ANKS1B: variants seen among roughly 807,000 people sequenced by gnomAD.
The protein encoded by ANKS1B is ankyrin repeat and sterile alpha motif domain-containing protein 1B.
Under a neutral mutation model 148.3 loss-of-function variants are expected in ANKS1B, and 36 were observed. The ratio of observed to expected loss-of-function variants is 0.24; its 90% CI spans 0.19 to 0.32. The LOEUF (loss-of-function observed/expected upper bound fraction) is 0.32. Ranked by LOEUF, ANKS1B falls within the 10% of genes least tolerant of loss-of-function variation. The probability of loss-of-function intolerance (pLI) is 1.00; values close to 1 mark genes in which losing one functional copy is unlikely to be tolerated. For synonymous variants in ANKS1B, 542 were observed against 560.8 expected (o/e 0.97, Z 0.47); for missense variants, 1,157 against 1,542.6 (o/e 0.75, Z 4.19).
chr12:99,455,789 A>C (rs1046830232), intron 10 of ANKS1B, among the ~76,000 whole-genome samples: 2 of 152,064 alleles, frequency 1.3e-5, no homozygotes, highest in African/African-American at 4.8e-5. Flanking sequence ...GTCTGAGCTC[A>C]GACACACCTA....
intron 17 of ANKS1B, among the ~76,000 whole-genome samples, chr12:98,965,962 C>A (rs2099877489): frequency 6.6e-6 from 1 of 152,156 alleles, no homozygotes; most frequent in African/African-American, 2.4e-5. Flanking sequence ...AAAACCTAGG[C>A]AATACTATTC....
intron 15 of ANKS1B, among the ~76,000 whole-genome samples, chr12:99,152,064 G>A (rs912543045): frequency 1.3e-5 from 2 of 152,088 alleles, no homozygotes; most frequent in Non-Finnish European, 2.9e-5. Context: ...CCACATTAAA[G>A]AAATATGTTT....
At chr12:99,745,474 T>C (rs2060509366) in intron 8 of ANKS1B, among the ~76,000 whole-genome samples, 1 of 152,186 alleles carries the variant, frequency 6.6e-6, no homozygotes, top group African/African-American at 2.4e-5. Flanking sequence ...ATATGGTGGT[T>C]TTATTCATGT....
intron 9 of ANKS1B, among the ~76,000 whole-genome samples, chr12:99,603,983 T>C (rs962792933): frequency 2.6e-5 from 4 of 152,130 alleles, no homozygotes; most frequent in Non-Finnish European, 5.9e-5. Flanking sequence ...AACCTGTACT[T>C]GTCAGAGTTA....
At chr12:99,069,320 C>T (rs1162259374) in intron 16 of ANKS1B, among the ~76,000 whole-genome samples, 1 of 152,014 alleles carries the variant, frequency 6.6e-6, no homozygotes, top group African/African-American at 2.4e-5. Flanking sequence ...TAATTGAGTC[C>T]CAGAGGTGAC....
chr12:98,809,570 G>T (rs2099077960), intron 19 of ANKS1B, among the ~76,000 whole-genome samples: 1 of 152,140 alleles, frequency 6.6e-6, no homozygotes, highest in Non-Finnish European at 1.5e-5. Context: ...GCTTGCTCAG[G>T]TCACACAGGT....
chr12:98,744,984 TC>T lies in ANKS1B; in HGVS notation c.*754del. ...ATTATTTGAAATGAAACCAGAAACA[TC>T]CCTCGCAACTAACCTAGTTTTCTTA... On this transcript the variant is annotated 3_prime_UTR_variant, in exon 27 of 27. Transcript: ENST00000683438. 1.0e-6 allele frequency: 1 copy of T among 985,756 alleles called. No individual in the cohort carries two copies. 61.1% of individuals were successfully genotyped at this position (985,756 alleles called of 1,614,324 possible). A position where few individuals can be genotyped will look rare whatever the true frequency, so the allele number is the denominator to read the frequency against.
intron 8 of ANKS1B, among the ~76,000 whole-genome samples, chr12:99,699,981 G>T (rs1000714823): frequency 6.6e-6 from 1 of 152,120 alleles, no homozygotes; most frequent in Non-Finnish European, 1.5e-5. Context: ...AGTCTATTTT[G>T]TAAGTTGGAA....
At chr12:99,640,082 G>A (rs562232787) in intron 9 of ANKS1B, among the ~76,000 whole-genome samples, 7 of 152,240 alleles carry the variant, frequency 4.6e-5, no homozygotes, top group South Asian at 4.1e-4. Context: ...CGAGGCAGGC[G>A]AATTACTTGA....
At chr12:99,705,480 A>G (rs139536892) in intron 8 of ANKS1B, among the ~76,000 whole-genome samples, 2 of 152,134 alleles carry the variant, frequency 1.3e-5, no homozygotes, top group Non-Finnish European at 2.9e-5. Context: ...AAACGGACCA[A>G]TGGAATCAAC....
chr12:99,540,878 A>G (rs2097118861), intron 9 of ANKS1B, among the ~76,000 whole-genome samples: 4 of 152,016 alleles, frequency 2.6e-5, no homozygotes, highest in Admixed American at 2.6e-4. Context: ...ACAATTGACA[A>G]AATTTCAGGT....
intron 12 of ANKS1B, among the ~76,000 whole-genome samples, chr12:99,328,401 G>T (rs2086890053): frequency 6.6e-6 from 1 of 151,846 alleles, no homozygotes; most frequent in South Asian, 2.1e-4. Context: ...CCCAACACTG[G>T]GGGAAAAAAC....
At chr12:99,858,379 T>C (rs888713678) in intron 1 of ANKS1B, among the ~76,000 whole-genome samples, 2 of 151,958 alleles carry the variant, frequency 1.3e-5, no homozygotes, top group African/African-American at 4.8e-5. Flanking sequence ...AAATAATAGA[T>C]GGTGGTGTGG....
chr12:99,815,632 C>A (rs185994653), intron 2 of ANKS1B, among the ~76,000 whole-genome samples: 26 of 151,508 alleles, frequency 1.7e-4, no homozygotes, highest in Admixed American at 1.1e-3. Context: ...GTGTTTTATC[C>A]TTCACTCCCC....
chr12:99,289,596 T>C (rs1318342505), intron 12 of ANKS1B, among the ~76,000 whole-genome samples: 2 of 151,926 alleles, frequency 1.3e-5, no homozygotes, highest in Non-Finnish European at 2.9e-5. Flanking sequence ...GGAATGAAAC[T>C]AGAAATCAAT....
At chr12:98,844,297 T>C (rs951991957) in intron 17 of ANKS1B, among the ~76,000 whole-genome samples, 9 of 152,228 alleles carry the variant, frequency 5.9e-5, no homozygotes, top group African/African-American at 2.2e-4. Context: ...GCAATGCATT[T>C]AGCACAGTGC....
At chr12:99,120,950 C>T (rs2062646061) in intron 15 of ANKS1B, among the ~76,000 whole-genome samples, 1 of 152,140 alleles carries the variant, frequency 6.6e-6, no homozygotes, top group Non-Finnish European at 1.5e-5. Flanking sequence ...AGAAAAAGTA[C>T]AGGGCTAGTA....
At chr12:99,042,252 G>C (rs1274587163) in intron 17 of ANKS1B, among the ~76,000 whole-genome samples, 1 of 152,200 alleles carries the variant, frequency 6.6e-6, no homozygotes, top group Non-Finnish European at 1.5e-5. Flanking sequence ...AGTGTTGGCA[G>C]ATGTGATGTA....
At chr12:99,450,283 G>A (rs1397551905) in intron 10 of ANKS1B, among the ~76,000 whole-genome samples, 1 of 152,132 alleles carries the variant, frequency 6.6e-6, no homozygotes, top group Admixed American at 6.6e-5. Context: ...ACAGTAGGGT[G>A]GATGATTTGC....
Sources: allele counts gnomAD v4.1 joint callset (sites outside exome capture counted in the v4.1 genomes callset), GRCh38; gene constraint gnomAD v4.1.1; transcripts MANE v1.5; gene names NCBI Gene and HGNC (gene_info 2026-07-23, HGNC 2026-07-21).